Variants in SNTB1 observed in about 807,000 individuals in gnomAD.
SNTB1 encodes syntrophin beta 1, also known as beta-1-syntrophin.
In SNTB1, 36 loss-of-function variants were observed where a neutral mutation model predicts 48.9. That is an observed-to-expected ratio of 0.74 (90% CI 0.56 to 0.97). The LOEUF is 0.97. Among genes scored for constraint, SNTB1 ranks in the 50% least tolerant of loss-of-function variants. The pLI is 0.00. For synonymous variants in SNTB1, 299 were observed against 294.6 expected (o/e 1.01, Z -0.15); for missense variants, 786 against 703.4 (o/e 1.12, Z -1.33).
intron 1 of SNTB1, among the ~76,000 whole-genome samples, chr8:120,790,583 C>G (rs1820012095): frequency 6.6e-6 from 1 of 151,908 alleles, no homozygotes; most frequent in African/African-American, 2.4e-5. Context: ...CACTGCTATA[C>G]ACCAAAGACA....
chr8:120,679,281 AC>A (rs986899642), intron 2 of SNTB1, among the ~76,000 whole-genome samples: 1 of 152,176 alleles, frequency 6.6e-6, no homozygotes, highest in Non-Finnish European at 1.5e-5. Context: ...CAAAAGAAAA[AC>A]CATACATGCT....
In SNTB1 at chr8:120,537,221, A is replaced by C. The variant is rs1815216227; in HGVS notation, c.*1656T>G. ...CCATTAGAAAAGAGTCCTGTAGGTA[A>C]GTGTGAGGAATGGTTCACCGGATTT... is the stretch of plus-strand genomic sequence containing the variant. On this transcript the variant is annotated 3_prime_UTR_variant, in exon 7 of 7. Coordinates refer to ENST00000517992, the MANE Select transcript of SNTB1 (RefSeq NM_021021.4). 6.6e-6 allele frequency: 1 copy of C among 152,026 alleles called. No homozygotes were observed. Among genetic ancestry groups the C allele is most frequent in the Non-Finnish European group, 1.5e-5 (1 of 67,982 alleles). The allele number at this position is 152,026 out of a possible 1,614,324, so 9.4% of individuals were successfully genotyped here.
intron 2 of SNTB1, among the ~76,000 whole-genome samples, chr8:120,669,484 C>G (rs1428309736): frequency 3.2e-5 from 1 of 31,378 alleles, no homozygotes; most frequent in Non-Finnish European, 4.8e-5. Flanking sequence ...CTCGCTCTGT[C>G]GCCCAGGCCG....
intron 1 of SNTB1, among the ~76,000 whole-genome samples, chr8:120,786,797 C>T (rs888441405): frequency 7.2e-5 from 11 of 152,150 alleles, no homozygotes; most frequent in Admixed American, 7.2e-4. Flanking sequence ...GAAAGCTTCC[C>T]CACCTACCTC....
chr8:120,646,842 C>A (rs2129695352), intron 2 of SNTB1, among the ~76,000 whole-genome samples: 1 of 152,124 alleles, frequency 6.6e-6, no homozygotes, highest in African/African-American at 2.4e-5. Flanking sequence ...ACAACTTCAG[C>A]TCCTGTTATT....
intron 2 of SNTB1, among the ~76,000 whole-genome samples, chr8:120,678,554 G>A (rs1043711421): frequency 6.6e-6 from 1 of 152,150 alleles, no homozygotes; most frequent in African/African-American, 2.4e-5. Flanking sequence ...TCATATCACA[G>A]TGGCTAAAAG....
At chr8:120,603,683 C>A (rs893649215) in intron 3 of SNTB1, among the ~76,000 whole-genome samples, 1 of 152,200 alleles carries the variant, frequency 6.6e-6, no homozygotes, top group Non-Finnish European at 1.5e-5. Context: ...GGACACGACA[C>A]TGTGCCCATA....
chr8:120,703,388 G>A (rs1050411790), intron 1 of SNTB1, among the ~76,000 whole-genome samples: 1 of 152,206 alleles, frequency 6.6e-6, no homozygotes, highest in Non-Finnish European at 1.5e-5. Flanking sequence ...GCCTCCCAAA[G>A]TGCTGGGATT....
chr8:120,553,414 T>G (rs1815515172), intron 4 of SNTB1, among the ~76,000 whole-genome samples: 1 of 152,222 alleles, frequency 6.6e-6, no homozygotes, highest in Admixed American at 6.5e-5. Context: ...AATTGTCTTT[T>G]CACTACCTGG....
At chr8:120,562,385 A>C (rs996887466) in intron 4 of SNTB1, among the ~76,000 whole-genome samples, 2 of 152,156 alleles carry the variant, frequency 1.3e-5, no homozygotes, top group East Asian at 3.9e-4. Context: ...TTCAAAGTCC[A>C]TGGACCTCCT....
chr8:120,580,485 T>C (rs930607299), intron 3 of SNTB1, among the ~76,000 whole-genome samples: 1 of 152,182 alleles, frequency 6.6e-6, no homozygotes, highest in Non-Finnish European at 1.5e-5. Context: ...AATGGTAAAC[T>C]GCCCCAGTTG....
chr8:120,680,191 C>A (rs368750498), intron 2 of SNTB1, among the ~76,000 whole-genome samples: 45 of 152,318 alleles, frequency 3.0e-4, no homozygotes, highest in African/African-American at 1.1e-3. Context: ...GACTCCATAG[C>A]ATCCTGTACT....
At chr8:120,637,579 T>TATAGGCATAA (rs2129655916) in intron 2 of SNTB1, 1 of 199,974 alleles carries the variant, frequency 5.0e-6, no homozygotes, top group Non-Finnish European at 1.0e-5. Context: ...CAAAGTGTTA[T>TATAGGCATAA]GTGCAAAATT....
chr8:120,780,084 T>TAA lies in SNTB1; in HGVS notation c.571+31187_571+31188dup, dbSNP rs71571678. 2.8e-3 allele frequency among the ~76,000 whole-genome samples: 385 copies of TAA among 135,314 alleles called. 3 individuals carry two copies. The highest frequency in any genetic ancestry group is 8.3e-3 in the African/African-American group (298 of 35,982). The allele number at this position is 135,314 out of a possible 152,430, so 88.8% of individuals were successfully genotyped here. On this transcript the variant is annotated intron_variant, in intron 1 of 6. Coordinates refer to ENST00000517992, the MANE Select transcript of SNTB1 (RefSeq NM_021021.4). Reference sequence around the variant, plus strand: ...GACATATAAGGAATGATGATCTAGTTAAAAAAAAAAAAAAAAGATCCGTGT... The same window carrying TAA: ...GACATATAAGGAATGATGATCTAGTTAAAAAAAAAAAAAAAAAAGATCCGTGT...
At chr8:120,676,351 C>T (rs1031032745) in intron 2 of SNTB1, among the ~76,000 whole-genome samples, 2 of 152,102 alleles carry the variant, frequency 1.3e-5, no homozygotes, top group South Asian at 2.1e-4. Context: ...TGTAAACTGG[C>T]AATTCTGAAA....
rs767183473 is a variant in SNTB1 at position 120,723,656 on chromosome 8, C to T, written c.572-29748G>A. 3.3e-5 allele frequency among the ~76,000 whole-genome samples: 5 copies of T among 152,116 alleles called. No homozygotes were observed. In the South Asian group the frequency reaches 8.3e-4, roughly 25 times the overall value. Reference sequence around the variant, plus strand: ...AGGTGCACTGGTTCAGATAGATAGGCGACTGGGCCCAAATTCCTCTTCTGT... The same window carrying T: ...AGGTGCACTGGTTCAGATAGATAGGTGACTGGGCCCAAATTCCTCTTCTGT... On this transcript the variant is annotated intron_variant, in intron 1 of 6. Coordinates refer to ENST00000517992, the MANE Select transcript of SNTB1 (RefSeq NM_021021.4).
At chr8:120,662,745 G>A (rs571225418) in intron 2 of SNTB1, among the ~76,000 whole-genome samples, 1 of 152,060 alleles carries the variant, frequency 6.6e-6, no homozygotes, top group Non-Finnish European at 1.5e-5. Flanking sequence ...TGTATGAGGG[G>A]TGTTTATCAA....
intron 4 of SNTB1, among the ~76,000 whole-genome samples, chr8:120,564,280 G>A (rs1444428501): frequency 1.3e-5 from 2 of 152,014 alleles, no homozygotes; most frequent in East Asian, 1.9e-4. Flanking sequence ...TAGGATTAGC[G>A]TCCTCAAAAT....
rs117826296 is a variant in SNTB1, at chr8:120,802,984, C to T, written c.571+8289G>A. Among the ~76,000 whole-genome samples, 855 of 151,938 alleles carry T rather than the reference C, an allele frequency of 5.6e-3. 5 individuals carry two copies. The highest frequency in any genetic ancestry group is 8.5e-3 in the Non-Finnish European group (580 of 67,962). ...AACACCCATCCTCTAAACCACTGCA[C>T]TAACCTGCTTTGAGAAGAGAAAAAA... On this transcript the variant is annotated intron_variant, in intron 1 of 6. Coordinates refer to ENST00000517992, the MANE Select transcript of SNTB1 (RefSeq NM_021021.4).
Sources: allele counts gnomAD v4.1 joint callset (sites outside exome capture counted in the v4.1 genomes callset), GRCh38; gene constraint gnomAD v4.1.1; transcripts MANE v1.5; gene names NCBI Gene and HGNC (gene_info 2026-07-23, HGNC 2026-07-21).